MYO5B: variants seen among roughly 807,000 people sequenced by gnomAD.
MYO5B encodes myosin VB, also known as unconventional myosin-Vb.
A neutral mutation model predicts 229.3 loss-of-function variants in MYO5B; 143 were observed. That is an observed-to-expected ratio of 0.62 (90% CI 0.54 to 0.72). The LOEUF (loss-of-function observed/expected upper bound fraction) is 0.72, where lower values mean the gene tolerates loss of function less well. Among genes scored for constraint, MYO5B ranks in the 30% least tolerant of loss-of-function variants. The probability of loss-of-function intolerance (pLI) is 0.00; values close to 1 mark genes in which losing one functional copy is unlikely to be tolerated. For synonymous variants in MYO5B, 918 were observed against 885.2 expected (o/e 1.04, Z -0.66); for missense variants, 2,321 against 2,331.0 (o/e 1.00, Z 0.09).
chr18:49,926,972 A>G (rs537265650), intron 17 of MYO5B, among the ~76,000 whole-genome samples: 4 of 152,310 alleles, frequency 2.6e-5, no homozygotes, highest in African/African-American at 9.6e-5. Flanking sequence ...GGATCACCAG[A>G]TTTACAGAAA....
At chr18:49,999,295 T>C (rs1043240561) in intron 5 of MYO5B, among the ~76,000 whole-genome samples, 1 of 152,176 alleles carries the variant, frequency 6.6e-6, no homozygotes, top group Non-Finnish European at 1.5e-5. Context: ...AGGTAGAACA[T>C]GAGGTTAATT....
intron 17 of MYO5B, among the ~76,000 whole-genome samples, chr18:49,919,468 C>G (rs1040040226): frequency 6.6e-6 from 1 of 152,072 alleles, no homozygotes; most frequent in Non-Finnish European, 1.5e-5. Flanking sequence ...CCTATAACTC[C>G]TATAACTCAA....
At chr18:50,103,417 G>C (rs2031692875) in intron 1 of MYO5B, among the ~76,000 whole-genome samples, 1 of 152,146 alleles carries the variant, frequency 6.6e-6, no homozygotes, top group African/African-American at 2.4e-5. Context: ...GGTGTGGGTT[G>C]GTTAAGTCTC....
intron 12 of MYO5B, 137 bp from the exon 13 acceptor site, chr18:49,954,572 G>A: frequency 1.7e-6 from 2 of 1,150,190 alleles, no homozygotes; most frequent in Non-Finnish European, 2.6e-6. Flanking sequence ...TAACTGGACG[G>A]TGCAAAGAAT....
At position 49,937,265 on chromosome 18, in the gene MYO5B, T is replaced by G. The variant is rs1598895619; in HGVS notation, c.1885A>C (p.Lys629Gln). 1 of 1,614,150 alleles carries G rather than the reference T, an allele frequency of 6.2e-7. No homozygotes were observed. The highest frequency in any genetic ancestry group is 1.3e-5 in the African/African-American group (1 of 75,042). ...PPMKVSNKEHKKTVGHQFRTS... is the reference protein window; with the variant it reads ...PPMKVSNKEHQKTVGHQFRTS... ...CTGACCTGGTGGCCAACGGTTTTCT[T>G]GTGCTCCTTGTTGGAGACTTTCATG... The change falls in exon 15 of 40, where the codon AAG (lysine) becomes CAG (glutamine). Residue 629 changes from lysine (K) to glutamine (Q), a missense_variant. By Grantham distance (53) the Lys-to-Gln change is moderately conservative. Transcript: ENST00000285039.
chr18:50,036,548 G>C (rs1453280027), intron 4 of MYO5B, among the ~76,000 whole-genome samples: 1 of 152,204 alleles, frequency 6.6e-6, no homozygotes, highest in Non-Finnish European at 1.5e-5. Context: ...ATAAAGGGAG[G>C]AAAAGGGGCC....
At chr18:50,179,104 T>G (rs757985796) in intron 1 of MYO5B, among the ~76,000 whole-genome samples, 1 of 152,168 alleles carries the variant, frequency 6.6e-6, no homozygotes, top group African/African-American at 2.4e-5. Flanking sequence ...CCCAGCATTA[T>G]TTTTAGGGGG....
intron 17 of MYO5B, among the ~76,000 whole-genome samples, chr18:49,920,932 CAA>C (rs933415974): frequency 6.6e-6 from 1 of 152,100 alleles, no homozygotes; most frequent in African/African-American, 2.4e-5. Context: ...AGATCTCACA[CAA>C]AAGAGCCAGA....
intron 32 of MYO5B, among the ~76,000 whole-genome samples, chr18:49,848,393 A>G (rs1331839942): frequency 6.6e-6 from 1 of 152,168 alleles, no homozygotes; most frequent in East Asian, 1.9e-4. Context: ...CCAGGTTCAA[A>G]GGAGCTGATC....
chr18:49,999,361 C>T (rs2026022093), intron 5 of MYO5B, among the ~76,000 whole-genome samples: 1 of 152,230 alleles, frequency 6.6e-6, no homozygotes, highest in Non-Finnish European at 1.5e-5. Flanking sequence ...CTAAGGAGGC[C>T]AAGGCCACAG....
intron 5 of MYO5B, among the ~76,000 whole-genome samples, chr18:50,000,724 C>T (rs529195759): frequency 5.3e-5 from 8 of 152,300 alleles, no homozygotes; most frequent in South Asian, 2.1e-4. Context: ...GGCCAATTCA[C>T]GCCATCATAG....
At chr18:50,029,379 C>T (rs1359617493) in intron 4 of MYO5B, among the ~76,000 whole-genome samples, 2 of 152,072 alleles carry the variant, frequency 1.3e-5, no homozygotes, top group Non-Finnish European at 2.9e-5. Flanking sequence ...GAGACAGGGC[C>T]GGAGAAGAGA....
At chr18:49,840,259 T>C (rs2024040525) in intron 35 of MYO5B, 1 of 152,264 alleles carries the variant, frequency 6.6e-6, no homozygotes, top group South Asian at 2.1e-4. Flanking sequence ...CATGTAGTTC[T>C]ATGCTTCAAG....
intron 31 of MYO5B, among the ~76,000 whole-genome samples, chr18:49,853,008 C>G (rs1465436388): frequency 6.6e-6 from 1 of 152,156 alleles, no homozygotes; most frequent in African/African-American, 2.4e-5. Flanking sequence ...GCAAAGAGGC[C>G]CCAACAACTT....
chr18:49,851,263 A>G (rs1230323711), intron 31 of MYO5B, among the ~76,000 whole-genome samples: 1 of 152,164 alleles, frequency 6.6e-6, no homozygotes, highest in Non-Finnish European at 1.5e-5. Flanking sequence ...GAAATGCTCA[A>G]GCAGAGGTGA....
chr18:50,070,216 G>A (rs927668159), intron 1 of MYO5B, among the ~76,000 whole-genome samples: 5 of 151,734 alleles, frequency 3.3e-5, no homozygotes, highest in African/African-American at 7.3e-5. Context: ...TAGAGACAAG[G>A]TTTCACCATG....
chr18:50,022,984 C>T (rs1482927998), intron 4 of MYO5B, among the ~76,000 whole-genome samples: 3 of 152,150 alleles, frequency 2.0e-5, no homozygotes, highest in African/African-American at 7.2e-5. Context: ...GAGGAGGCAA[C>T]TGACAAACCC....
Position 49,956,141 on chromosome 18 carries a change from T to C in MYO5B, c.1546-1706A>G, listed in dbSNP as rs74865622. On this transcript the variant is annotated intron_variant, in intron 12 of 39. Transcript: ENST00000285039. ...GACAAGGATCAGTCTCTCCTTTCACTGTCCACCCCACCTCCAACCAAAAAT... is the reference window on the plus strand; with the variant it reads ...GACAAGGATCAGTCTCTCCTTTCACCGTCCACCCCACCTCCAACCAAAAAT... Among the ~76,000 whole-genome samples, 43 of 152,354 alleles carry C rather than the reference T, an allele frequency of 2.8e-4. No homozygotes were observed. In the East Asian group the frequency reaches 7.9e-3, roughly 28 times the overall value.
At chr18:50,177,040 C>A (rs139473034) in intron 1 of MYO5B, among the ~76,000 whole-genome samples, 5 of 152,120 alleles carry the variant, frequency 3.3e-5, no homozygotes, top group Admixed American at 1.3e-4. Context: ...GAGCATTGAG[C>A]TTTGAAAAAA....
Sources: gnomAD v4.1 joint callset for allele counts (sites outside exome capture counted in the v4.1 genomes callset) on GRCh38, gnomAD v4.1.1 for gene constraint, MANE v1.5 for transcripts, NCBI Gene and HGNC (gene_info 2026-07-23, HGNC 2026-07-21) for gene names.